MYH14: variants seen among roughly 807,000 people sequenced by gnomAD.
The protein encoded by MYH14 is myosin heavy chain 14, also known as myosin-14.
Under a neutral mutation model 255.5 loss-of-function variants are expected in MYH14, and 123 were observed. The ratio of observed to expected loss-of-function variants is 0.48; its 90% CI spans 0.42 to 0.56. The LOEUF (loss-of-function observed/expected upper bound fraction) is 0.56, where lower values mean the gene tolerates loss of function less well. MYH14 is among the 20% of genes least tolerant of loss of function. MYH14 has a pLI of 0.00. For synonymous variants in MYH14, 1,095 were observed against 1,161.2 expected, an observed-to-expected ratio of 0.94 and a Z score of 1.16; for missense variants, 2,423 against 2,802.3, an observed-to-expected ratio of 0.86 and a Z score of 3.06.
rs1343474468 is a variant in MYH14, at chr19:50,289,673, G to A, written c.4965+25G>A. The A allele has an allele frequency of 3.8e-6, 6 of 1,585,700 alleles. No individual in the cohort carries two copies. The East Asian group carries it at 6.8e-5, about 18-fold the overall frequency. ...GGTATTGTCACACAGAAGGCCACAG[G>A]GTGCCAGTCCAGCTGGGGTATGCCA... On this transcript the variant is annotated intron_variant, in intron 35 of 42. Coordinates refer to ENST00000642316, the MANE Select transcript of MYH14 (RefSeq NM_001145809.2).
intron 11 of MYH14, among the ~76,000 whole-genome samples, chr19:50,245,520 T>A (rs565580826): frequency 6.6e-6 from 1 of 152,242 alleles, no homozygotes; most frequent in South Asian, 2.1e-4. Context: ...AGATAATTGC[T>A]GCTCACATTT....
chr19:50,246,853 A>G, intron 11 of MYH14, 151 bp from the exon 12 acceptor site: 1 of 598,736 alleles, frequency 1.7e-6, no homozygotes, highest in Non-Finnish European at 3.0e-6. Context: ...CAGAGAATGT[A>G]CACACTTTTG....
Position 50,293,950 on chromosome 19 carries a change from A to G in MYH14, c.5469+263A>G, listed in dbSNP as rs2036177735. On this transcript the variant is annotated intron_variant, in intron 39 of 42. Coordinates refer to ENST00000642316, the MANE Select transcript of MYH14 (RefSeq NM_001145809.2). The surrounding 1 kb of genome is among the most constrained non-coding windows in gnomAD (Gnocchi z 4.1). ...CATGGAAGTCTCCTGGGCCCAGTAGAGAGAGAGAAAAGACTTTCTGCAGGA... is the reference window on the plus strand; with the variant it reads ...CATGGAAGTCTCCTGGGCCCAGTAGGGAGAGAGAAAAGACTTTCTGCAGGA... 6.6e-6 allele frequency among the ~76,000 whole-genome samples: 1 copy of G among 152,160 alleles called. No individual in the cohort carries two copies. The highest frequency in any genetic ancestry group is 6.5e-5 in the Admixed American group (1 of 15,268).
Position 50,276,945 on chromosome 19 carries a change from G to T in MYH14, c.3825+44G>T. Reference sequence around the variant, plus strand: ...ACAGGGCAGGGGGGCCACGGGGAGGGCAGGGCAGGACGCGGGGTTGGAGGA... The same window carrying T: ...ACAGGGCAGGGGGGCCACGGGGAGGTCAGGGCAGGACGCGGGGTTGGAGGA... On this transcript the variant is annotated intron_variant, in intron 29 of 42. Coordinates refer to ENST00000642316, the MANE Select transcript of MYH14 (RefSeq NM_001145809.2). The surrounding 1 kb of genome is among the most constrained non-coding windows in gnomAD (Gnocchi z 4.3). The T allele has an allele frequency of 6.8e-7, 1 of 1,480,082 alleles. No individual in the cohort carries two copies. The highest frequency in any genetic ancestry group is 9.2e-7 in the Non-Finnish European group (1 of 1,083,992). 91.7% of individuals were successfully genotyped at this position (1,480,082 alleles called of 1,614,324 possible).
chr19:50,290,606 TG>T, intron 35 of MYH14, among the ~76,000 whole-genome samples: 1 of 152,170 alleles, frequency 6.6e-6, no homozygotes, highest in Admixed American at 6.5e-5. Flanking sequence ...CTGGGGGCAC[TG>T]GGGAACCATG....
chr19:50,239,287 G>A (rs1419003613), intron 10 of MYH14, among the ~76,000 whole-genome samples: 1 of 152,214 alleles, frequency 6.6e-6, no homozygotes, highest in Non-Finnish European at 1.5e-5. Context: ...CCGAAGTGCT[G>A]CGATTACAGG....
At chr19:50,236,632 C>A (rs1447288435) in intron 10 of MYH14, among the ~76,000 whole-genome samples, 2 of 151,898 alleles carry the variant, frequency 1.3e-5, no homozygotes, top group East Asian at 3.9e-4. Flanking sequence ...CGCTTGAACC[C>A]GGGAGGCGGA....
In MYH14 at chr19:50,263,362, G is replaced by A; in HGVS notation, c.2636G>A (p.Arg879Gln). ...QQQSALRVMQRNCAAYLKLRH... is the reference protein window; with the variant it reads ...QQQSALRVMQQNCAAYLKLRH... ...CAGAGCGCCCTGAGGGTGATGCAGC[G>A]GAACTGCGCGGCCTACCTCAAGCTG... The change falls in exon 22 of 43, where the codon CGG (arginine) becomes CAG (glutamine). Residue 879 changes from arginine (R) to glutamine (Q), a missense_variant. Around this residue, in one of 3 missense-constraint regions of MYH14, gnomAD observed 1,513 missense variants for 1,674.8 expected, o/e 0.90. Transcript: ENST00000642316. 4 of 1,600,600 alleles carry A rather than the reference G, an allele frequency of 2.5e-6. No individual in the cohort carries two copies. Among genetic ancestry groups the A allele is most frequent in the Non-Finnish European group, 3.4e-6 (4 of 1,173,826 alleles).
intron 1 of MYH14, among the ~76,000 whole-genome samples, chr19:50,209,555 C>T (rs541101168): frequency 2.0e-5 from 3 of 152,172 alleles, no homozygotes; most frequent in Admixed American, 6.5e-5. Flanking sequence ...GAGGCCGAGG[C>T]GGGCAGATCA....
rs1413061857 is a variant in MYH14, at chr19:50,224,107, C to T, written c.694-47C>T. 3 of 1,541,254 alleles carry T rather than the reference C, an allele frequency of 1.9e-6. No individual in the cohort carries two copies. The African/African-American group carries it at 4.2e-5, about 21-fold the overall frequency. On this transcript the variant is annotated intron_variant, in intron 5 of 42. Coordinates refer to ENST00000642316, the MANE Select transcript of MYH14 (RefSeq NM_001145809.2). ...TTCACCTGTGTGTCTGTCCACGTTCCATGTGCTGTGTCCTGGTCCGTGTCT... is the reference window on the plus strand; with the variant it reads ...TTCACCTGTGTGTCTGTCCACGTTCTATGTGCTGTGTCCTGGTCCGTGTCT...
chr19:50,307,111 T>C lies in MYH14; in HGVS notation c.5741T>C (p.Leu1914Pro). 6.4e-7 allele frequency: 1 copy of C among 1,550,656 alleles called. No individual in the cohort carries two copies. The highest frequency in any genetic ancestry group is 8.7e-7 in the Non-Finnish European group (1 of 1,146,866). The change falls in exon 41 of 43, where the codon CTC becomes CCC. Residue 1914 changes from leucine (L) to proline (P), a missense_variant. Leu to Pro is a moderately conservative substitution (Grantham distance 98, BLOSUM62 -3). Coordinates refer to ENST00000642316, the MANE Select transcript of MYH14 (RefSeq NM_001145809.2). ...RAEKRLKEVV[L>P]QVEEERRVAD... ...GAGAAGCGGCTTAAAGAGGTGGTGC[T>C]CCAGGTGGAGGAGGAGCGGAGGGTG...
Position 50,309,755 on chromosome 19 carries a change from G to C in MYH14, c.6076G>C (p.Glu2026Gln), listed in dbSNP as rs760739256. Residue 2026 changes from glutamate to glutamine, a missense_variant, in exon 43 of 43, where the codon GAG becomes CAG. Physicochemically the swap from Glu to Gln is conservative, Grantham distance 29. Transcript: ENST00000642316. ...EAQPGSGPSPEPEGSPPAHPQ is the reference protein window; with the variant it reads ...EAQPGSGPSPQPEGSPPAHPQ ...ACAGCCTGGGTCTGGGCCATCCCCG[G>C]AGCCTGAGGGGTCCCCACCAGCCCA... 6.3e-7 allele frequency: 1 copy of C among 1,589,926 alleles called. No individual in the cohort carries two copies. Among genetic ancestry groups the C allele is most frequent in the South Asian group, 1.1e-5 (1 of 87,120 alleles).
In MYH14 at chr19:50,284,088, A is replaced by AAC. The variant is rs1453518393; in HGVS notation, c.4539+2247_4539+2248insCA. Among the ~76,000 whole-genome samples, 59 of 130,262 alleles carry AAC rather than the reference A, an allele frequency of 4.5e-4. 1 individual carries two copies. Among genetic ancestry groups the AAC allele is most frequent in the African/African-American group, 2.0e-3 (59 of 29,546 alleles). 85.5% of individuals were successfully genotyped at this position (130,262 alleles called of 152,430 possible). ...ACTCTGTCTCAAAAAAACAAAACAA[A>AAC]AAACAAAAAAAAAACAAAAAAAAAG... On this transcript the variant is annotated intron_variant, in intron 33 of 42. Coordinates refer to ENST00000642316, the MANE Select transcript of MYH14 (RefSeq NM_001145809.2).
At chr19:50,299,276 T>C (rs1568554290) in intron 39 of MYH14, among the ~76,000 whole-genome samples, 1 of 151,884 alleles carries the variant, frequency 6.6e-6, no homozygotes, top group East Asian at 1.9e-4. Flanking sequence ...AACAGATAAA[T>C]TGTAAGAAAT....
chr19:50,279,916 C>T (rs1350404441), intron 30 of MYH14, 121 bp from the exon 31 acceptor site: 1 of 785,770 alleles, frequency 1.3e-6, no homozygotes, highest in Non-Finnish European at 2.2e-6. Flanking sequence ...ATCTGCCAGA[C>T]TGTTTTCCAC....
chr19:50,231,982 G>A lies in MYH14; in HGVS notation c.1026G>A (p.Pro342=), dbSNP rs368124508. 466 of 1,613,776 alleles carry A rather than the reference G, an allele frequency of 2.9e-4. No homozygotes were observed. Among genetic ancestry groups the A allele is most frequent in the African/African-American group, 5.6e-4 (42 of 74,948 alleles). Reference sequence around the variant, plus strand: ...ACTACCGGTTCCTGACCAACGGGCCGTCATCCTCTCCCGGCCAGGAGCGGG... The same window carrying A: ...ACTACCGGTTCCTGACCAACGGGCCATCATCCTCTCCCGGCCAGGAGCGGG... ...CSHYRFLTNG[P]SSSPGQEREL... is the part of the protein sequence containing the mutation. Residue 342 remains proline (P), a synonymous_variant, in exon 10 of 43, where the codon CCG becomes CCA. Coordinates refer to ENST00000642316, the MANE Select transcript of MYH14 (RefSeq NM_001145809.2).
Position 50,253,281 on chromosome 19 carries a change from A to G in MYH14, c.1945+528A>G, listed in dbSNP as rs140200163. On this transcript the variant is annotated intron_variant, in intron 16 of 42. Transcript: ENST00000642316. ...AACATGGTGAAACCCTGTCTCTACT[A>G]AAAGTACAACAATTAGCCAGATGTC... 1.4e-4 allele frequency among the ~76,000 whole-genome samples: 21 copies of G among 152,160 alleles called. No individual in the cohort carries two copies. The East Asian group carries it at 4.1e-3, about 29-fold the overall frequency.
chr19:50,282,953 A>G (rs2035774777), intron 33 of MYH14, among the ~76,000 whole-genome samples: 1 of 151,734 alleles, frequency 6.6e-6, no homozygotes, highest in African/African-American at 2.4e-5. Flanking sequence ...AAATATTTTT[A>G]TCTCCCACTC....
intron 8 of MYH14, among the ~76,000 whole-genome samples, chr19:50,228,572 GC>G (rs946432884): frequency 2.6e-5 from 4 of 152,086 alleles, no homozygotes; most frequent in African/African-American, 9.7e-5. Flanking sequence ...CGCAGCCCCT[GC>G]TCCTGCCGTT....
Sources: allele counts gnomAD v4.1 joint callset (sites outside exome capture counted in the v4.1 genomes callset), GRCh38; gene constraint gnomAD v4.1.1; regional missense constraint gnomAD v4.1.1; non-coding constraint Gnocchi (gnomAD v3.1); transcripts MANE v1.5; gene names NCBI Gene and HGNC (gene_info 2026-07-23, HGNC 2026-07-21).